Variants in TUBGCP3 observed in about 807,000 individuals in gnomAD.
TUBGCP3 encodes the protein tubulin gamma complex component 3, also known as gamma-tubulin complex component 3.
TUBGCP3 carries 50 observed loss-of-function variants against 123.1 expected under a neutral mutation model. The ratio of observed to expected loss-of-function variants is 0.41; its 90% CI spans 0.32 to 0.51. The LOEUF (loss-of-function observed/expected upper bound fraction) is 0.51. TUBGCP3 is among the 20% of genes least tolerant of loss of function. TUBGCP3 has a pLI of 0.36. For synonymous variants in TUBGCP3, 405 were observed against 413.9 expected (o/e 0.98, Z 0.26); for missense variants, 882 against 1,127.0 (o/e 0.78, Z 3.11).
At chr13:112,565,260 A>G in intron 2 of TUBGCP3, 82 bp from the exon 3 acceptor site, 4 of 1,208,944 alleles carry the variant, frequency 3.3e-6, no homozygotes, top group African/African-American at 1.5e-5. Context: ...CTACAACACC[A>G]TAACTCGCAA....
intron 3 of TUBGCP3, among the ~76,000 whole-genome samples, chr13:112,560,416 C>A (rs1407929692): frequency 2.0e-5 from 3 of 149,646 alleles, no homozygotes; most frequent in African/African-American, 7.4e-5. Context: ...GGCGACAGAG[C>A]GAGACTCCGT....
intron 1 of TUBGCP3, among the ~76,000 whole-genome samples, chr13:112,584,606 G>A (rs1882486047): frequency 6.6e-6 from 1 of 152,276 alleles, no homozygotes; most frequent in African/African-American, 2.4e-5. Context: ...GTGGCTTGTA[G>A]GACACTCATA....
intron 11 of TUBGCP3, among the ~76,000 whole-genome samples, chr13:112,532,218 G>A (rs1877638962): frequency 6.6e-6 from 1 of 152,188 alleles, no homozygotes; most frequent in Non-Finnish European, 1.5e-5. Context: ...ATAATTTACA[G>A]GGTAAACTTA....
intron 1 of TUBGCP3, among the ~76,000 whole-genome samples, chr13:112,578,929 C>CA (rs1702070229): frequency 6.6e-6 from 1 of 152,096 alleles, no homozygotes; most frequent in African/African-American, 2.4e-5. Flanking sequence ...TAAAACAAAA[C>CA]AAAGAAATCT....
In TUBGCP3 at chr13:112,526,434, G is replaced by A. The variant is rs1022760860; in HGVS notation, c.1555+508C>T. Among the ~76,000 whole-genome samples the A allele has an allele frequency of 3.0e-5, 4 of 133,956 alleles. No individual in the cohort carries two copies. The East Asian group carries it at 7.0e-4, about 24-fold the overall frequency. 87.9% of individuals were successfully genotyped at this position (133,956 alleles called of 152,430 possible). A position where few individuals can be genotyped will look rare whatever the true frequency, so the allele number is the denominator to read the frequency against. ...TCACCACCATCACTGCCGCTACCAC[G>A]CCATCATCACCGTCGCCACCCATCC... On this transcript the variant is annotated intron_variant, in intron 13 of 21. Transcript: ENST00000261965.
intron 11 of TUBGCP3, among the ~76,000 whole-genome samples, chr13:112,533,230 A>C (rs1877733970): frequency 6.6e-6 from 1 of 152,256 alleles, no homozygotes; most frequent in African/African-American, 2.4e-5. Context: ...GGGCAGACAC[A>C]GCCAAGAGGG....
At position 112,530,903 on chromosome 13, in the gene TUBGCP3, T is replaced by C. The variant is rs547233330; in HGVS notation, c.1336-3419A>G. Reference sequence around the variant, plus strand: ...TAACTTTATCCTCTGTATGTGCTTATGTGATCAACATTGTTTAAACTGCAA... The same window carrying C: ...TAACTTTATCCTCTGTATGTGCTTACGTGATCAACATTGTTTAAACTGCAA... On this transcript the variant is annotated intron_variant, in intron 11 of 21. Transcript: ENST00000261965. Among the ~76,000 whole-genome samples the C allele has an allele frequency of 1.3e-5, 2 of 152,366 alleles. 1 individual carries two copies. The highest frequency in any genetic ancestry group is 4.8e-5 in the African/African-American group (2 of 41,592).
chr13:112,538,603 T>C (rs1286531885), intron 11 of TUBGCP3, among the ~76,000 whole-genome samples: 2 of 152,242 alleles, frequency 1.3e-5, no homozygotes, highest in Non-Finnish European at 2.9e-5. Context: ...ATTTCAGTAA[T>C]TGTCCTTTTT....
upstream of TUBGCP3, among the ~76,000 whole-genome samples, chr13:112,591,975 G>A (rs569829627): frequency 3.3e-5 from 5 of 151,484 alleles, no homozygotes; most frequent in Admixed American, 6.6e-5. Context: ...CTGGAGATAC[G>A]GGATGGAACC....
intron 11 of TUBGCP3, among the ~76,000 whole-genome samples, chr13:112,529,668 G>A (rs535241122): frequency 6.6e-6 from 1 of 152,244 alleles, no homozygotes; most frequent in South Asian, 2.1e-4. Context: ...CCTAGAATCA[G>A]CCACTTCTCC....
At chr13:112,552,209 T>A (rs934419898) in intron 8 of TUBGCP3, among the ~76,000 whole-genome samples, 2 of 152,252 alleles carry the variant, frequency 1.3e-5, no homozygotes, top group African/African-American at 4.8e-5. Flanking sequence ...TCTCCTGGAA[T>A]AAAATATCTA....
chr13:112,522,260 C>T (rs951052732), intron 14 of TUBGCP3, 60 bp downstream of exon 14: 1 of 1,294,154 alleles, frequency 7.7e-7, no homozygotes, highest in Non-Finnish European at 1.0e-6. Flanking sequence ...CTTTTAAATA[C>T]AAGATTCCTT....
In TUBGCP3 at chr13:112,508,173, C is replaced by A. The variant is rs988913942; in HGVS notation, c.2087-3459G>T. On this transcript the variant is annotated intron_variant, in intron 17 of 21. Coordinates refer to ENST00000261965, the MANE Select transcript of TUBGCP3 (RefSeq NM_006322.6). The surrounding 1 kb of genome is among the most constrained non-coding windows in gnomAD (Gnocchi z 4.2). ...GTCATGGCTTTGGCTCTGCCTGTAT[C>A]CCTCGTGCCCCCTAGTCACTCCAAG... Among the ~76,000 whole-genome samples, 3 of 152,152 alleles carry A rather than the reference C, an allele frequency of 2.0e-5. No individual in the cohort carries two copies. The highest frequency in any genetic ancestry group is 2.9e-5 in the Non-Finnish European group (2 of 68,018).
At chr13:112,517,526 C>T (rs1245876634) in intron 16 of TUBGCP3, among the ~76,000 whole-genome samples, 1 of 152,162 alleles carries the variant, frequency 6.6e-6, no homozygotes, top group Non-Finnish European at 1.5e-5. Context: ...ACTATGGTAT[C>T]TTTTATGCTA....
intron 8 of TUBGCP3, among the ~76,000 whole-genome samples, chr13:112,552,153 C>T (rs536182478): frequency 6.6e-6 from 1 of 152,284 alleles, no homozygotes; most frequent in South Asian, 2.1e-4. Context: ...CTGGGGACCC[C>T]TGCTATAAAA....
Position 112,556,226 on chromosome 13 carries a change from TA to T in TUBGCP3, c.549-3del, listed in dbSNP as rs539288145. 2 of 1,609,770 alleles carry T rather than the reference TA, an allele frequency of 1.2e-6. No homozygotes were observed. The highest frequency in any genetic ancestry group is 1.3e-5 in the African/African-American group (1 of 74,696). On this transcript the variant is annotated splice_polypyrimidine_tract_variant and splice_region_variant and intron_variant, in intron 5 of 21. Coordinates refer to ENST00000261965, the MANE Select transcript of TUBGCP3 (RefSeq NM_006322.6). The stretch of plus-strand genomic sequence containing the variant: ...ACTCCTGGAGCTTGATTAGACTGTC[TA>T]AAAAAAGAAACATGTATTATCTTCT...
rs559726596 is a variant in TUBGCP3 at position 112,537,782 on chromosome 13, T to C, written c.1335+7917A>G. 1.2e-4 allele frequency among the ~76,000 whole-genome samples: 18 copies of C among 152,344 alleles called. No homozygotes were observed. In the East Asian group the frequency reaches 3.5e-3, roughly 29 times the overall value. ...CATCGGCTCCTGCACTTTTCTTTGC[T>C]AAAGTTTCCTGATTAATGATTCAAT... On this transcript the variant is annotated intron_variant, in intron 11 of 21. Transcript: ENST00000261965.
At chr13:112,544,061 G>A (rs570005896) in intron 11 of TUBGCP3, among the ~76,000 whole-genome samples, 65 of 152,332 alleles carry the variant, frequency 4.3e-4, no homozygotes, top group Non-Finnish European at 6.8e-4. Flanking sequence ...ACAAAGTGTT[G>A]ACAAGGACGC....
chr13:112,510,488 T>A (rs546450572), intron 17 of TUBGCP3, among the ~76,000 whole-genome samples: 2 of 152,184 alleles, frequency 1.3e-5, no homozygotes, highest in Non-Finnish European at 2.9e-5. Flanking sequence ...CCAGATGACA[T>A]TTGTTAAGAC....
Sources: gnomAD v4.1 joint callset for allele counts (sites outside exome capture counted in the v4.1 genomes callset) on GRCh38, gnomAD v4.1.1 for gene constraint, Gnocchi (gnomAD v3.1) non-coding constraint, MANE v1.5 for transcripts, NCBI Gene and HGNC (gene_info 2026-07-23, HGNC 2026-07-21) for gene names.